Variants in DPYSL2 observed in about 807,000 individuals in gnomAD.
DPYSL2 encodes dihydropyrimidinase like 2, also known as dihydropyrimidinase-related protein 2.
DPYSL2 carries 13 observed loss-of-function variants against 69.9 expected under a neutral mutation model. The ratio of observed to expected loss-of-function variants is 0.19; its 90% CI spans 0.12 to 0.30. The LOEUF (loss-of-function observed/expected upper bound fraction) is 0.30. DPYSL2 is among the 10% of genes least tolerant of loss of function. The pLI is 1.00. For synonymous variants in DPYSL2, 326 were observed against 359.1 expected, an observed-to-expected ratio of 0.91 and a Z score of 1.04; for missense variants, 587 against 918.9, an observed-to-expected ratio of 0.64 and a Z score of 4.67.
At chr8:26,639,675 A>G (rs1269055388) in intron 8 of DPYSL2, among the ~76,000 whole-genome samples, 1 of 152,158 alleles carries the variant, frequency 6.6e-6, no homozygotes, top group East Asian at 1.9e-4. Context: ...CACTCTCGTT[A>G]TACTTGTTAA....
At chr8:26,550,335 T>A (rs1481799131) in intron 1 of DPYSL2, among the ~76,000 whole-genome samples, 2 of 151,586 alleles carry the variant, frequency 1.3e-5, no homozygotes. Flanking sequence ...CATAAAGTAA[T>A]CAATTAAAAT....
At chr8:26,530,746 G>A (rs1193089373) in intron 1 of DPYSL2, among the ~76,000 whole-genome samples, 1 of 152,176 alleles carries the variant, frequency 6.6e-6, no homozygotes. Context: ...AGAAGATTAG[G>A]ATGAGTTTCA....
rs543333585 is a variant in DPYSL2 at position 26,654,606 on chromosome 8, C to T, written c.1943-1009C>T. On this transcript the variant is annotated intron_variant, in intron 13 of 13. Transcript: ENST00000521913. This position sits in a 1 kb window ranked among gnomAD's most constrained non-coding sequence, Gnocchi z 5.0. ...TCCAATATAAGGTGCCATCGTTCCT[C>T]CTACTTGTGATTATATGTGTAGGAT... 9.2e-5 allele frequency among the ~76,000 whole-genome samples: 14 copies of T among 152,250 alleles called. No homozygotes were observed. The highest frequency in any genetic ancestry group is 3.4e-4 in the African/African-American group (14 of 41,548).
intron 1 of DPYSL2, chr8:26,548,594 A>G (rs1399816308): frequency 6.6e-6 from 1 of 151,868 alleles, no homozygotes; most frequent in African/African-American, 2.4e-5. Flanking sequence ...AATAATAATA[A>G]TATTCAGGCC....
chr8:26,601,680 C>T (rs1801996655), intron 3 of DPYSL2, among the ~76,000 whole-genome samples: 1 of 152,208 alleles, frequency 6.6e-6, no homozygotes, highest in Non-Finnish European at 1.5e-5. Context: ...CCTGGGCCCT[C>T]TCTTATAGGA....
intron 1 of DPYSL2, among the ~76,000 whole-genome samples, chr8:26,529,396 C>T (rs1011662401): frequency 6.6e-6 from 1 of 151,966 alleles, no homozygotes; most frequent in Non-Finnish European, 1.5e-5. Context: ...GTGATGTGAT[C>T]ATAGCTCATT....
chr8:26,556,175 A>ATT (rs374190104), intron 1 of DPYSL2, among the ~76,000 whole-genome samples: 636 of 15,152 alleles, frequency 0.042, 162 homozygotes, highest in South Asian at 0.054. Flanking sequence ...TACTATATAT[A>ATT]GTATATACTA....
rs1801401733 is a variant in DPYSL2, at chr8:26,578,085, A to G, written c.355-3884A>G. 7 of 1,496,244 alleles carry G rather than the reference A, an allele frequency of 4.7e-6. No homozygotes were observed. The East Asian group carries it at 1.7e-4, about 37-fold the overall frequency. 92.7% of individuals were successfully genotyped at this position (1,496,244 alleles called of 1,614,324 possible). A position where few individuals can be genotyped will look rare whatever the true frequency, so the allele number is the denominator to read the frequency against. ...GAAAGAGAGACAGAGGATTGCATTC[A>G]TCCGTTACGTTCTTGAAATTTCCTA... On this transcript the variant is annotated intron_variant, in intron 1 of 13. Transcript: ENST00000521913.
rs576477889 is a variant in DPYSL2, at chr8:26,617,093, A to G, written c.629-7050A>G. Among the ~76,000 whole-genome samples, 55 of 152,308 alleles carry G rather than the reference A, an allele frequency of 3.6e-4. No homozygotes were observed. Among genetic ancestry groups the G allele is most frequent in the African/African-American group, 1.3e-3 (54 of 41,576 alleles). On this transcript the variant is annotated intron_variant, in intron 3 of 13. Coordinates refer to ENST00000521913, the MANE Select transcript of DPYSL2 (RefSeq NM_001197293.3). This position sits in a 1 kb window ranked among gnomAD's most constrained non-coding sequence, Gnocchi z 4.7. ...AAAGGGCCCCTTGAGACCTTGTCAG[A>G]AATACTGCCAGCCTAGCCCTTTAAA... is the stretch of plus-strand genomic sequence containing the variant.
chr8:26,589,460 A>G (rs1801674781), intron 3 of DPYSL2, among the ~76,000 whole-genome samples: 1 of 152,250 alleles, frequency 6.6e-6, no homozygotes, highest in Non-Finnish European at 1.5e-5. Context: ...GAGTGAGTGA[A>G]TGAATGAATG....
intron 3 of DPYSL2, among the ~76,000 whole-genome samples, chr8:26,613,997 G>T (rs1802293138): frequency 6.6e-6 from 1 of 152,090 alleles, no homozygotes; most frequent in South Asian, 2.1e-4. Flanking sequence ...GGGCATGGTG[G>T]CACGTGCCTG....
Position 26,642,185 on chromosome 8 carries a change from G to A in DPYSL2, c.1127-1254G>A, listed in dbSNP as rs973630799. ...TTAATCAATTTAACACACGTTTTTG[G>A]AGTGCCTACTATGTGCAGGCAGGTA... On this transcript the variant is annotated intron_variant, in intron 8 of 13. Coordinates refer to ENST00000521913, the MANE Select transcript of DPYSL2 (RefSeq NM_001197293.3). This position sits in a 1 kb window ranked among gnomAD's most constrained non-coding sequence, Gnocchi z 5.3. 6.6e-6 allele frequency among the ~76,000 whole-genome samples: 1 copy of A among 152,166 alleles called. No individual in the cohort carries two copies. The highest frequency in any genetic ancestry group is 2.4e-5 in the African/African-American group (1 of 41,442).
rs1801621686 is a variant in DPYSL2 at position 26,587,035 on chromosome 8, C to T, written c.628+3052C>T. On this transcript the variant is annotated intron_variant, in intron 3 of 13. Coordinates refer to ENST00000521913, the MANE Select transcript of DPYSL2 (RefSeq NM_001197293.3). The surrounding 1 kb of genome is among the most constrained non-coding windows in gnomAD (Gnocchi z 4.2). ...GTAGAATTTCTACTAGCCTGCCTTT[C>T]CCCGGGGGAGGGAATGGTAATAATA... is the stretch of plus-strand genomic sequence containing the variant. 6.6e-6 allele frequency among the ~76,000 whole-genome samples: 1 copy of T among 152,194 alleles called. No homozygotes were observed. Among genetic ancestry groups the T allele is most frequent in the Non-Finnish European group, 1.5e-5 (1 of 68,046 alleles).
chr8:26,638,529 A>G (rs767235326), intron 8 of DPYSL2, among the ~76,000 whole-genome samples: 23 of 152,170 alleles, frequency 1.5e-4, no homozygotes, highest in Non-Finnish European at 3.1e-4. Flanking sequence ...GCACGACTGC[A>G]TCCTGCCTTC....
chr8:26,564,272 G>A lies in DPYSL2; in HGVS notation c.355-17697G>A, dbSNP rs376612330. Reference sequence around the variant, plus strand: ...GCAAATGGGAGTGGAAGTTGAGGAAGTGGAGGCCAGGAGTGTACGCTACCC... The same window carrying A: ...GCAAATGGGAGTGGAAGTTGAGGAAATGGAGGCCAGGAGTGTACGCTACCC... On this transcript the variant is annotated intron_variant, in intron 1 of 13. Transcript: ENST00000521913. The surrounding 1 kb of genome is among the most constrained non-coding windows in gnomAD (Gnocchi z 4.8). Among the ~76,000 whole-genome samples the A allele has an allele frequency of 1.2e-4, 19 of 152,140 alleles. No individual in the cohort carries two copies. Among genetic ancestry groups the A allele is most frequent in the Non-Finnish European group, 2.6e-4 (18 of 68,034 alleles).
intron 1 of DPYSL2, among the ~76,000 whole-genome samples, chr8:26,576,444 G>A (rs1221194990): frequency 6.6e-6 from 1 of 151,300 alleles, no homozygotes; most frequent in Non-Finnish European, 1.5e-5. Flanking sequence ...CGAGCGCTAC[G>A]AGGGCTGGTC....
intron 1 of DPYSL2, among the ~76,000 whole-genome samples, chr8:26,538,818 G>C (rs1003597962): frequency 6.6e-6 from 1 of 152,182 alleles, no homozygotes. Flanking sequence ...TGCAAAGAGG[G>C]ATTTTCTTGG....
rs1043495461 is a variant in DPYSL2 at position 26,620,910 on chromosome 8, A to G, written c.629-3233A>G. 5.3e-5 allele frequency among the ~76,000 whole-genome samples: 8 copies of G among 152,248 alleles called. No individual in the cohort carries two copies. The highest frequency in any genetic ancestry group is 1.9e-4 in the African/African-American group (8 of 41,474). ...TATTTATCTATACAAACACACACAT[A>G]TGTACACACTTGCATCCACATCTAC... On this transcript the variant is annotated intron_variant, in intron 3 of 13. Coordinates refer to ENST00000521913, the MANE Select transcript of DPYSL2 (RefSeq NM_001197293.3). This position sits in a 1 kb window ranked among gnomAD's most constrained non-coding sequence, Gnocchi z 4.5.
At chr8:26,637,192 TG>T (rs1184373627) in intron 8 of DPYSL2, among the ~76,000 whole-genome samples, 1 of 152,212 alleles carries the variant, frequency 6.6e-6, no homozygotes, top group African/African-American at 2.4e-5. Context: ...GCATTCAAAC[TG>T]TTACCCATTA....
Sources: allele counts gnomAD v4.1 joint callset (sites outside exome capture counted in the v4.1 genomes callset), GRCh38; gene constraint gnomAD v4.1.1; non-coding constraint Gnocchi (gnomAD v3.1); transcripts MANE v1.5; gene names NCBI Gene and HGNC (gene_info 2026-07-23, HGNC 2026-07-21).